VPS8: variants seen among roughly 807,000 people sequenced by gnomAD.
VPS8 encodes vacuolar protein sorting-associated protein 8 homolog.
VPS8 carries 129 observed loss-of-function variants against 216.4 expected under a neutral mutation model. The ratio of observed to expected loss-of-function variants is 0.60; its 90% CI spans 0.52 to 0.69. VPS8 has a LOEUF of 0.69. Among genes scored for constraint, VPS8 ranks in the 30% least tolerant of loss-of-function variants. VPS8 has a pLI of 0.00. For synonymous variants in VPS8, 571 were observed against 565.4 expected (o/e 1.01, Z -0.14); for missense variants, 1,531 against 1,683.5 (o/e 0.91, Z 1.59).
intron 5 of VPS8, chr3:184,836,343 A>ATT (rs1194129315): frequency 4.4e-6 from 2 of 456,232 alleles, no homozygotes; most frequent in Non-Finnish European, 8.8e-6. Context: ...AGGTGATGAA[A>ATT]TTCATTCCTT....
intron 46 of VPS8, among the ~76,000 whole-genome samples, chr3:185,040,557 C>T (rs780775310): frequency 4.6e-5 from 7 of 152,132 alleles, no homozygotes; most frequent in Admixed American, 6.5e-5. Context: ...ATCTACTCCA[C>T]CCTATCATAC....
At chr3:184,885,839 C>T in intron 21 of VPS8, 1 of 302,064 alleles carries the variant, frequency 3.3e-6, no homozygotes, top group Middle Eastern at 9.9e-4. Context: ...TCTTCTGCTC[C>T]CTCTGTTAGA....
intron 45 of VPS8, among the ~76,000 whole-genome samples, chr3:185,023,785 G>A (rs1756980858): frequency 6.6e-6 from 1 of 152,064 alleles, no homozygotes; most frequent in Non-Finnish European, 1.5e-5. Context: ...CATGTAGTCA[G>A]GTCTTTTTCA....
chr3:184,955,142 G>C (rs1745360548), intron 36 of VPS8, among the ~76,000 whole-genome samples: 1 of 152,114 alleles, frequency 6.6e-6, no homozygotes, highest in Non-Finnish European at 1.5e-5. Context: ...GGAACACTCT[G>C]CTCCACCAGC....
In VPS8 at chr3:184,854,269, G is replaced by C. The variant is rs1577910366; in HGVS notation, c.1035+96G>C. ...AGGGGTGAATTCTATGAGATTGTCA[G>C]AAAACTAGACAGGATGAAAGTCAGT... On this transcript the variant is annotated intron_variant, in intron 13 of 47. Coordinates refer to ENST00000625842, the MANE Select transcript of VPS8 (RefSeq NM_001009921.3). 1.9e-5 allele frequency: 26 copies of C among 1,361,174 alleles called. No individual in the cohort carries two copies. In the East Asian group the frequency reaches 6.1e-4, roughly 32 times the overall value. 84.3% of individuals were successfully genotyped at this position (1,361,174 alleles called of 1,614,324 possible). A position where few individuals can be genotyped will look rare whatever the true frequency, so the allele number is the denominator to read the frequency against.
At chr3:185,024,675 T>C (rs1757108563) in intron 46 of VPS8, among the ~76,000 whole-genome samples, 1 of 152,186 alleles carries the variant, frequency 6.6e-6, no homozygotes, top group Non-Finnish European at 1.5e-5. Flanking sequence ...GTGAAAGATA[T>C]TCACAGGAAA....
At chr3:184,882,389 T>C (rs1560511149) in intron 21 of VPS8, 1 of 455,634 alleles carries the variant, frequency 2.2e-6, no homozygotes, top group East Asian at 6.9e-5. Flanking sequence ...TTTTTGAATA[T>C]TGAACCAGTC....
chr3:184,990,233 C>T (rs1021763257), intron 42 of VPS8, among the ~76,000 whole-genome samples: 6 of 152,140 alleles, frequency 3.9e-5, no homozygotes, highest in Non-Finnish European at 8.8e-5. Context: ...TACTCTGTCT[C>T]CTAGAATATT....
At chr3:184,986,501 G>T (rs1166215243) in intron 42 of VPS8, among the ~76,000 whole-genome samples, 2 of 152,086 alleles carry the variant, frequency 1.3e-5, no homozygotes, top group African/African-American at 2.4e-5. Context: ...TGAGGATTTG[G>T]GGAAAGTCTG....
chr3:185,000,027 C>T (rs978081996), intron 45 of VPS8, among the ~76,000 whole-genome samples, 166 bp downstream of exon 45: 1 of 152,194 alleles, frequency 6.6e-6, no homozygotes, highest in Non-Finnish European at 1.5e-5. Context: ...AGAGCCTCTC[C>T]TCTCTACTCA....
chr3:184,946,147 A>G (rs1296291668), intron 36 of VPS8, among the ~76,000 whole-genome samples: 1 of 152,196 alleles, frequency 6.6e-6, no homozygotes, highest in East Asian at 1.9e-4. Flanking sequence ...GCAAGGGATT[A>G]TAGAAAGGCA....
chr3:184,821,765 G>A (rs1415258159), intron 1 of VPS8, among the ~76,000 whole-genome samples: 1 of 152,148 alleles, frequency 6.6e-6, no homozygotes, highest in Non-Finnish European at 1.5e-5. Flanking sequence ...TTAGTTAGGT[G>A]TGTGTTAAGT....
chr3:184,940,841 T>A (rs1203807445), intron 36 of VPS8, among the ~76,000 whole-genome samples: 1 of 152,184 alleles, frequency 6.6e-6, no homozygotes, highest in East Asian at 1.9e-4. Context: ...GTTTTAAAGT[T>A]TTGCTGTAAC....
intron 4 of VPS8, 69 bp downstream of exon 4, chr3:184,832,888 A>T (rs1036861609): frequency 1.0e-5 from 16 of 1,534,380 alleles, no homozygotes; most frequent in African/African-American, 1.4e-5. Flanking sequence ...TAAATATTGT[A>T]CTTTTTAAAG....
intron 25 of VPS8, among the ~76,000 whole-genome samples, chr3:184,902,214 A>G (rs947154651): frequency 8.0e-5 from 12 of 149,940 alleles, no homozygotes; most frequent in Non-Finnish European, 1.5e-4. Flanking sequence ...ATGGTGGCTC[A>G]TGCCTGTAAT....
At position 184,885,972 on chromosome 3, in the gene VPS8, G is replaced by A; in HGVS notation, c.1735-138G>A. 1.4e-5 allele frequency: 12 copies of A among 871,658 alleles called. 1 individual carries two copies. The South Asian group carries it at 2.3e-4, about 16-fold the overall frequency. 54.0% of individuals were successfully genotyped at this position (871,658 alleles called of 1,614,324 possible). A position where few individuals can be genotyped will look rare whatever the true frequency, so the allele number is the denominator to read the frequency against. On this transcript the variant is annotated intron_variant, in intron 21 of 47. Coordinates refer to ENST00000625842, the MANE Select transcript of VPS8 (RefSeq NM_001009921.3). The stretch of plus-strand genomic sequence containing the variant: ...TGTTTTTCAGACTTTGACACATAAT[G>A]CCAAATTGCTTACCAAAAGCATGAT...
intron 25 of VPS8, among the ~76,000 whole-genome samples, chr3:184,908,037 T>G (rs912039230): frequency 6.6e-6 from 1 of 152,182 alleles, no homozygotes; most frequent in African/African-American, 2.4e-5. Context: ...TTTTTCCTTT[T>G]AAGGTTTTTG....
chr3:185,029,175 C>T (rs1757772694), intron 46 of VPS8, among the ~76,000 whole-genome samples: 2 of 152,164 alleles, frequency 1.3e-5, no homozygotes, highest in African/African-American at 4.8e-5. Context: ...TCATGTACAT[C>T]TATGTATATA....
intron 14 of VPS8, among the ~76,000 whole-genome samples, chr3:184,858,950 A>G (rs1048702841): frequency 6.6e-6 from 1 of 152,120 alleles, no homozygotes; most frequent in Non-Finnish European, 1.5e-5. Flanking sequence ...CAGGATGTTG[A>G]TTCCACATGT....
Sources: gnomAD v4.1 joint callset for allele counts (sites outside exome capture counted in the v4.1 genomes callset) on GRCh38, gnomAD v4.1.1 for gene constraint, MANE v1.5 for transcripts, NCBI Gene and HGNC (gene_info 2026-07-23, HGNC 2026-07-21) for gene names.